MYSM1: variants seen among roughly 807,000 people sequenced by gnomAD.
MYSM1 encodes Myb like, SWIRM and MPN domains 1.
Under a neutral mutation model 116.0 loss-of-function variants are expected in MYSM1, and 51 were observed. That is an observed-to-expected ratio of 0.44 (90% CI 0.35 to 0.56). MYSM1 has a LOEUF of 0.56. Among genes scored for constraint, MYSM1 ranks in the 20% least tolerant of loss-of-function variants. MYSM1 has a pLI of 0.00. For synonymous variants in MYSM1, 313 were observed against 315.2 expected, an observed-to-expected ratio of 0.99 and a Z score of 0.07; for missense variants, 900 against 974.9, an observed-to-expected ratio of 0.92 and a Z score of 1.02.
intron 12 of MYSM1, 95 bp from the exon 13 acceptor site, chr1:58,669,133 C>A: frequency 1.2e-6 from 1 of 857,676 alleles, no homozygotes. Flanking sequence ...TAATCTAAAC[C>A]CAAATTCTGT....
chr1:58,688,162 A>T (rs1644855614), intron 6 of MYSM1, among the ~76,000 whole-genome samples: 1 of 152,052 alleles, frequency 6.6e-6, no homozygotes. Context: ...AAACCTCAAG[A>T]TCATTTATAT....
intron 1 of MYSM1, chr1:58,699,746 C>T: frequency 1.0e-6 from 1 of 985,420 alleles, no homozygotes. Flanking sequence ...TCGGTGCCCT[C>T]ACAGCATCCG....
intron 16 of MYSM1, among the ~76,000 whole-genome samples, 189 bp from the exon 17 acceptor site, chr1:58,665,820 G>A (rs1281785564): frequency 1.3e-5 from 2 of 152,102 alleles, no homozygotes; most frequent in Non-Finnish European, 1.5e-5. Flanking sequence ...TGAGGCAGGC[G>A]GACTGCTTGA....
chr1:58,682,897 A>G (rs1422387090), intron 7 of MYSM1, among the ~76,000 whole-genome samples: 1 of 152,068 alleles, frequency 6.6e-6, no homozygotes, highest in African/African-American at 2.4e-5. Context: ...GGGTTTCACC[A>G]TGTTAGCCAG....
chr1:58,685,349 A>AT, intron 6 of MYSM1, 98 bp from the exon 7 acceptor site: 1 of 717,130 alleles, frequency 1.4e-6, no homozygotes, highest in Non-Finnish European at 2.3e-6. Context: ...CTTAAAAAAA[A>AT]ATACATCTTT....
At chr1:58,676,900 A>G in intron 9 of MYSM1, 26 bp downstream of exon 9, 1 of 1,604,808 alleles carries the variant, frequency 6.2e-7, no homozygotes, top group Non-Finnish European at 8.5e-7. Context: ...GTCGAGTAAA[A>G]GATGTTGTTG....
At chr1:58,695,054 A>T (rs1436289726) in intron 2 of MYSM1, 75 bp downstream of exon 2, 16 of 301,122 alleles carry the variant, frequency 5.3e-5, no homozygotes, top group South Asian at 1.1e-4. Context: ...ACTAAGTTTA[A>T]AAAAAAAAAA....
intron 11 of MYSM1, 75 bp from the exon 12 acceptor site, chr1:58,672,033 A>G: frequency 8.5e-7 from 1 of 1,179,248 alleles, no homozygotes; most frequent in South Asian, 1.3e-5. Context: ...CTTTAAAATC[A>G]AATTGAAGGG....
In MYSM1 at chr1:58,699,975, T is replaced by C. The variant is rs1004508636; in HGVS notation, c.68+10A>G. The C allele has an allele frequency of 6.2e-7, 1 of 1,613,382 alleles. No homozygotes were observed. The highest frequency in any genetic ancestry group is 8.5e-7 in the Non-Finnish European group (1 of 1,179,982). ...CTCCGCCCCAGAGAGACCCGGTCTC[T>C]AAGCCTCACCCTGGCTGTGCCCCCG... On this transcript the variant is annotated intron_variant, in intron 1 of 19. Transcript: ENST00000472487.
At chr1:58,666,526 G>GAA (rs34472745) in intron 16 of MYSM1, among the ~76,000 whole-genome samples, 52 of 145,792 alleles carry the variant, frequency 3.6e-4, no homozygotes, top group African/African-American at 6.1e-4. Context: ...CTTGCAATCA[G>GAA]AAAAAAAAAT....
chr1:58,675,396 C>A, intron 10 of MYSM1, 81 bp downstream of exon 10: 3 of 935,332 alleles, frequency 3.2e-6, no homozygotes, highest in Non-Finnish European at 1.7e-6. Flanking sequence ...ATTTATTAAA[C>A]AGCTCAAGGT....
intron 8 of MYSM1, among the ~76,000 whole-genome samples, chr1:58,681,535 C>G (rs965631887): frequency 2.0e-5 from 3 of 152,176 alleles, no homozygotes; most frequent in African/African-American, 7.2e-5. Context: ...TAGGAGACTG[C>G]TTCATAAAGC....
intron 17 of MYSM1, among the ~76,000 whole-genome samples, chr1:58,664,595 T>A (rs1644440895): frequency 6.6e-6 from 1 of 152,206 alleles, no homozygotes; most frequent in African/African-American, 2.4e-5. Context: ...ATGGGGGCAG[T>A]GCTGGTAAAT....
chr1:58,660,950 G>T (rs547889227), intron 19 of MYSM1, among the ~76,000 whole-genome samples: 1 of 152,160 alleles, frequency 6.6e-6, no homozygotes, highest in African/African-American at 2.4e-5. Flanking sequence ...AGCCAACACT[G>T]ACAAATTTAT....
chr1:58,690,350 AT>A lies in MYSM1; in HGVS notation c.285del (p.Lys95AsnfsTer3). 1 of 1,603,018 alleles carries A rather than the reference AT, an allele frequency of 6.2e-7. No homozygotes were observed. The highest frequency in any genetic ancestry group is 1.1e-5 in the South Asian group (1 of 88,388). On this transcript the variant is annotated frameshift_variant, in exon 4 of 20. Coordinates refer to ENST00000472487, the MANE Select transcript of MYSM1 (RefSeq NM_001085487.3). LOFTEE classifies it high-confidence loss of function. Reference protein sequence around the residue: ...VWLDQKEDDKKYMKSLQKTAK... With the variant: ...VWLDQKEDDKXYMKSLQKTAK... ...ATAAATTGATTTTACCTCTTCATGT[AT>A]TTTTTATCATCTTCCTTTTGATCAA...
chr1:58,657,951 G>C lies in MYSM1; in HGVS notation c.*2046C>G, dbSNP rs1644340138. 1 of 152,104 alleles carries C rather than the reference G, an allele frequency of 6.6e-6. No individual in the cohort carries two copies. Among genetic ancestry groups the C allele is most frequent in the Non-Finnish European group, 1.5e-5 (1 of 68,026 alleles). 9.4% of individuals were successfully genotyped at this position (152,104 alleles called of 1,614,324 possible). A position where few individuals can be genotyped will look rare whatever the true frequency, so the allele number is the denominator to read the frequency against. On this transcript the variant is annotated 3_prime_UTR_variant, in exon 20 of 20. Coordinates refer to ENST00000472487, the MANE Select transcript of MYSM1 (RefSeq NM_001085487.3). ...CACCCAAATTCATCAGTATTATAGG[G>C]AAATGTCAATCAAGAAAGCTAGTAT...
chr1:58,672,645 T>C (rs1338425950), intron 11 of MYSM1, among the ~76,000 whole-genome samples: 2 of 152,098 alleles, frequency 1.3e-5, no homozygotes, highest in Non-Finnish European at 1.5e-5. Context: ...TTCCAGAATA[T>C]ATCTAGTATT....
intron 2 of MYSM1, among the ~76,000 whole-genome samples, chr1:58,694,344 C>T (rs1644943047): frequency 1.3e-5 from 2 of 152,140 alleles, no homozygotes; most frequent in African/African-American, 2.4e-5. Context: ...ACTACATGGC[C>T]GGGCGCGGTG....
Position 58,682,148 on chromosome 1 carries a change from T to A in MYSM1, c.896A>T (p.Glu299Val). 1.2e-6 allele frequency: 2 copies of A among 1,613,646 alleles called. No homozygotes were observed. The highest frequency in any genetic ancestry group is 1.7e-6 in the Non-Finnish European group (2 of 1,179,652). Residue 299 changes from glutamate to valine, a missense_variant, in exon 8 of 20, where the codon GAG becomes GTG. Physicochemically the swap from Glu to Val is moderately radical, Grantham distance 121. This residue lies in a region of MYSM1 where 622 missense variants were observed against 623.7 expected (regional missense o/e 1.00). Coordinates refer to ENST00000472487, the MANE Select transcript of MYSM1 (RefSeq NM_001085487.3). ...TTTTTTGTCACCATTGCTCTGTTTC[T>A]CAGTCCACAGTGTAATTTCTGAGCT... is the stretch of plus-strand genomic sequence containing the variant. ...LSSSEITLWT[E>V]KQSNGDKKSI...
Sources: gnomAD v4.1 joint callset for allele counts (sites outside exome capture counted in the v4.1 genomes callset) on GRCh38, gnomAD v4.1.1 for gene constraint, gnomAD v4.1.1 regional missense constraint, MANE v1.5 for transcripts, NCBI Gene and HGNC (gene_info 2026-07-23, HGNC 2026-07-21) for gene names.